Variants in SRC observed in about 807,000 individuals in gnomAD.
The protein encoded by SRC is SRC proto-oncogene, non-receptor tyrosine kinase.
In SRC, 13 loss-of-function variants were observed where a neutral mutation model predicts 62.9. The observed-to-expected ratio is 0.21, with a 90% confidence interval of 0.13 to 0.33. The LOEUF (loss-of-function observed/expected upper bound fraction) is 0.33. Ranked by LOEUF, SRC falls within the 10% of genes least tolerant of loss-of-function variation. SRC has a pLI of 1.00. For synonymous variants in SRC, 302 were observed against 317.5 expected (o/e 0.95, Z 0.52); for missense variants, 457 against 737.3 (o/e 0.62, Z 4.40).
rs980821204 is a variant in SRC at position 37,402,270 on chromosome 20, C to T, written c.1117-165C>T. On this transcript the variant is annotated intron_variant, in intron 11 of 13. Transcript: ENST00000373578. This position sits in a 1 kb window ranked among gnomAD's most constrained non-coding sequence, Gnocchi z 6.2. Reference sequence around the variant, plus strand: ...CTCCCTACTCCCGCAGAGCACTGCTCCTGCTTTCGATGCCAACAGCATTTA... The same window carrying T: ...CTCCCTACTCCCGCAGAGCACTGCTTCTGCTTTCGATGCCAACAGCATTTA... The T allele has an allele frequency of 1.3e-5, 10 of 784,494 alleles. No individual in the cohort carries two copies. The highest frequency in any genetic ancestry group is 1.1e-4 in the South Asian group (6 of 53,536). The allele number at this position is 784,494 out of a possible 1,614,324, so 48.6% of individuals were successfully genotyped here.
chr20:37,369,215 C>A (rs1055554285), intron 2 of SRC, among the ~76,000 whole-genome samples: 3 of 152,160 alleles, frequency 2.0e-5, no homozygotes, highest in African/African-American at 4.8e-5. Flanking sequence ...TCAATTTTGG[C>A]AAAGAAACTA....
intron 9 of SRC, 49 bp from the exon 10 acceptor site, chr20:37,400,066 G>A (rs1162922269): frequency 2.0e-6 from 3 of 1,519,018 alleles, no homozygotes; most frequent in Admixed American, 2.0e-5. Flanking sequence ...TCCCTGTGTG[G>A]TAGGAGTTGG....
chr20:37,364,409 G>A (rs187274219), intron 1 of SRC, among the ~76,000 whole-genome samples: 195 of 152,262 alleles, frequency 1.3e-3, no homozygotes, highest in Non-Finnish European at 1.5e-3. Context: ...TGGTGACGCC[G>A]TAGCTGTTGT....
chr20:37,354,812 G>A (rs1280205760), intron 1 of SRC, among the ~76,000 whole-genome samples: 1 of 152,216 alleles, frequency 6.6e-6, no homozygotes, highest in Non-Finnish European at 1.5e-5. Context: ...GCGTGCCCCG[G>A]GTGGTGGCTT....
rs2070663846 is a variant in SRC, at chr20:37,396,984, T to G, written c.703+673T>G. Among the ~76,000 whole-genome samples, 1 of 152,136 alleles carries G rather than the reference T, an allele frequency of 6.6e-6. No homozygotes were observed. Among genetic ancestry groups the G allele is most frequent in the East Asian group, 1.9e-4 (1 of 5,186 alleles). On this transcript the variant is annotated intron_variant, in intron 8 of 13. Transcript: ENST00000373578. The surrounding 1 kb of genome is among the most constrained non-coding windows in gnomAD (Gnocchi z 6.1). ...TCCTCTGGGATCACCCGCCACTCTCTGTCTCTTCGGCCACCGCTGTGTAGC... is the reference window on the plus strand; with the variant it reads ...TCCTCTGGGATCACCCGCCACTCTCGGTCTCTTCGGCCACCGCTGTGTAGC...
At chr20:37,370,219 T>G (rs1202621993) in intron 2 of SRC, among the ~76,000 whole-genome samples, 1 of 152,258 alleles carries the variant, frequency 6.6e-6, no homozygotes, top group African/African-American at 2.4e-5. Context: ...TTAGAATTAT[T>G]ACCTGGTTCT....
At chr20:37,365,880 G>T (rs1003299892) in intron 2 of SRC, among the ~76,000 whole-genome samples, 1 of 151,998 alleles carries the variant, frequency 6.6e-6, no homozygotes, top group East Asian at 1.9e-4. Context: ...CATCATCCCT[G>T]GCCAGAATTT....
At chr20:37,390,693 C>G (rs1288704953) in intron 5 of SRC, among the ~76,000 whole-genome samples, 1 of 152,144 alleles carries the variant, frequency 6.6e-6, no homozygotes, top group African/African-American at 2.4e-5. Flanking sequence ...GCGTGAGCCA[C>G]CGTGCGCTGT....
At chr20:37,362,626 C>T (rs572362809) in intron 1 of SRC, among the ~76,000 whole-genome samples, 14 of 152,172 alleles carry the variant, frequency 9.2e-5, no homozygotes, top group African/African-American at 2.9e-4. Flanking sequence ...GAAGGGCCCA[C>T]GAAAGCTCCT....
chr20:37,395,039 G>C (rs764265633), intron 7 of SRC, among the ~76,000 whole-genome samples: 8 of 152,166 alleles, frequency 5.3e-5, no homozygotes, highest in Non-Finnish European at 8.8e-5. Flanking sequence ...TGGCTACTGG[G>C]CATGGGCATG....
rs780318119 is a variant in SRC at position 37,400,317 on chromosome 20, A to G, written c.1039+23A>G. ...AGGGTGAGTCCTGGGCGGCCGGGGC[A>G]GGGGGCAGGGGCACTCCGGACAGGG... On this transcript the variant is annotated intron_variant, in intron 10 of 13. Coordinates refer to ENST00000373578, the MANE Select transcript of SRC (RefSeq NM_198291.3). The G allele has an allele frequency of 1.8e-5, 28 of 1,588,686 alleles. 1 individual carries two copies. Among genetic ancestry groups the G allele is most frequent in the Non-Finnish European group, 2.4e-5 (28 of 1,164,124 alleles).
rs931748476 is a variant in SRC, at chr20:37,398,416, C to T, written c.859+562C>T. On this transcript the variant is annotated intron_variant, in intron 9 of 13. Transcript: ENST00000373578. The surrounding 1 kb of genome is among the most constrained non-coding windows in gnomAD (Gnocchi z 5.2). Reference sequence around the variant, plus strand: ...ATGCTTTCTGCTCACACGGAGGGACCGGAGGCCAGGGTGGAGGAGAGACGG... The same window carrying T: ...ATGCTTTCTGCTCACACGGAGGGACTGGAGGCCAGGGTGGAGGAGAGACGG... Among the ~76,000 whole-genome samples the T allele has an allele frequency of 1.2e-4, 18 of 152,210 alleles. No homozygotes were observed. Among genetic ancestry groups the T allele is most frequent in the African/African-American group, 3.4e-4 (14 of 41,456 alleles).
intron 1 of SRC, among the ~76,000 whole-genome samples, chr20:37,355,524 T>C (rs1217124404): frequency 3.9e-5 from 6 of 152,162 alleles, no homozygotes; most frequent in African/African-American, 1.4e-4. Context: ...AGCTGGACTC[T>C]CTGTTATCCA....
At position 37,404,112 on chromosome 20, in the gene SRC, G is replaced by A; in HGVS notation, c.*733G>A. On this transcript the variant is annotated 3_prime_UTR_variant, in exon 14 of 14. Transcript: ENST00000373578. Reference sequence around the variant, plus strand: ...CACGGAGCAGTTCAGAGTGGAGGCGGGCTTGGAACCCGGTGCTCCCTCTGT... The same window carrying A: ...CACGGAGCAGTTCAGAGTGGAGGCGAGCTTGGAACCCGGTGCTCCCTCTGT... The A allele has an allele frequency of 8.6e-6, 2 of 233,774 alleles. No homozygotes were observed. The highest frequency in any genetic ancestry group is 1.7e-5 in the Non-Finnish European group (2 of 118,104). 14.5% of individuals were successfully genotyped at this position (233,774 alleles called of 1,614,324 possible).
chr20:37,393,033 C>T (rs1241448980), intron 5 of SRC, among the ~76,000 whole-genome samples: 3 of 152,212 alleles, frequency 2.0e-5, no homozygotes, highest in South Asian at 2.1e-4. Context: ...CGCCCCTCCC[C>T]GCTCCCGCCC....
At chr20:37,348,198 C>G (rs1160805360) in intron 1 of SRC, among the ~76,000 whole-genome samples, 1 of 152,184 alleles carries the variant, frequency 6.6e-6, no homozygotes, top group South Asian at 2.1e-4. Context: ...GAGGAAGGCC[C>G]GTGGCTCTCT....
At chr20:37,346,645 G>C (rs1054658575) in intron 1 of SRC, among the ~76,000 whole-genome samples, 15 of 150,930 alleles carry the variant, frequency 9.9e-5, no homozygotes, top group African/African-American at 3.2e-4. Flanking sequence ...TGGGCTGCCC[G>C]GCCCTGCGCC....
intron 2 of SRC, among the ~76,000 whole-genome samples, chr20:37,380,426 T>C (rs2070348796): frequency 6.6e-6 from 1 of 152,130 alleles, no homozygotes; most frequent in South Asian, 2.1e-4. Context: ...GATAAAGACA[T>C]GATTAGTATT....
At chr20:37,401,770 T>C in intron 11 of SRC, 92 bp downstream of exon 11, 1 of 868,400 alleles carries the variant, frequency 1.2e-6, no homozygotes, top group Non-Finnish European at 1.7e-6. Context: ...GAGTGCCCCC[T>C]CCAAGAAGCC....
Sources: gnomAD v4.1 joint callset for allele counts (sites outside exome capture counted in the v4.1 genomes callset) on GRCh38, gnomAD v4.1.1 for gene constraint, Gnocchi (gnomAD v3.1) non-coding constraint, MANE v1.5 for transcripts, NCBI Gene and HGNC (gene_info 2026-07-23, HGNC 2026-07-21) for gene names.